The following SHB variants were observed in gnomAD, a reference collection of about 807,000 sequenced individuals.
SHB encodes the protein SH2 domain-containing adapter protein B.
Under a neutral mutation model 52.3 loss-of-function variants are expected in SHB, and 20 were observed. The ratio of observed to expected loss-of-function variants is 0.38; its 90% CI spans 0.27 to 0.56. The LOEUF (loss-of-function observed/expected upper bound fraction) is 0.56, where lower values mean the gene tolerates loss of function less well. Among genes scored for constraint, SHB ranks in the 20% least tolerant of loss-of-function variants. The pLI is 0.71. For synonymous variants in SHB, 397 were observed against 316.5 expected, an observed-to-expected ratio of 1.25 and a Z score of -2.70; for missense variants, 825 against 723.3, an observed-to-expected ratio of 1.14 and a Z score of -1.61.
At chr9:37,923,970 C>T (rs372371720) in intron 5 of SHB, among the ~76,000 whole-genome samples, 19 of 152,236 alleles carry the variant, frequency 1.2e-4, no homozygotes, top group South Asian at 1.2e-3. Context: ...TTCCACACCT[C>T]GGCACCGTCA....
At chr9:37,920,107 G>A in intron 5 of SHB, 103 bp from the exon 6 acceptor site, 1 of 913,252 alleles carries the variant, frequency 1.1e-6, no homozygotes, top group Non-Finnish European at 1.7e-6. Flanking sequence ...CAGCCATGAA[G>A]TGGCTGTGAG....
chr9:37,955,861 G>T (rs1272096965), intron 4 of SHB, 22 bp downstream of exon 4: 1 of 1,606,612 alleles, frequency 6.2e-7, no homozygotes, highest in Non-Finnish European at 8.5e-7. Flanking sequence ...GGTGAGGTTG[G>T]GCTTTGCTCC....
chr9:38,054,561 T>C (rs1821787690), intron 1 of SHB, among the ~76,000 whole-genome samples: 2 of 152,106 alleles, frequency 1.3e-5, no homozygotes, highest in Non-Finnish European at 2.9e-5. Context: ...ACCTCCACAG[T>C]TGTGACATCA....
At chr9:37,961,603 C>A (rs1832692724) in intron 3 of SHB, among the ~76,000 whole-genome samples, 1 of 152,368 alleles carries the variant, frequency 6.6e-6, no homozygotes, top group African/African-American at 2.4e-5. Context: ...CAAAGGACAG[C>A]CAGTCCCCAG....
intron 5 of SHB, among the ~76,000 whole-genome samples, chr9:37,922,942 G>C (rs912750462): frequency 6.6e-6 from 1 of 152,170 alleles, no homozygotes; most frequent in Non-Finnish European, 1.5e-5. Flanking sequence ...CTGCAGGAAG[G>C]GGTCTGCAAG....
chr9:38,037,793 G>A (rs936088468), intron 1 of SHB, among the ~76,000 whole-genome samples: 8 of 152,162 alleles, frequency 5.3e-5, no homozygotes, highest in African/African-American at 1.9e-4. Flanking sequence ...ATCCTGTGCT[G>A]GGCTCTGGAA....
intron 1 of SHB, among the ~76,000 whole-genome samples, chr9:38,060,529 T>A (rs1052642438): frequency 2.6e-5 from 4 of 152,138 alleles, no homozygotes; most frequent in Non-Finnish European, 5.9e-5. Flanking sequence ...GGTTTCCTCA[T>A]ATGTAAAAAT....
intron 2 of SHB, chr9:38,015,261 C>T: frequency 3.4e-6 from 2 of 593,238 alleles, no homozygotes; most frequent in South Asian, 4.1e-5. Context: ...TGCTTGTGAC[C>T]TCCCCCTAAT....
intron 1 of SHB, among the ~76,000 whole-genome samples, chr9:38,053,280 G>A (rs1395692707): frequency 6.6e-6 from 1 of 151,466 alleles, no homozygotes; most frequent in Admixed American, 6.6e-5. Context: ...CTCTGTTACC[G>A]AGGCTGGAGT....
intron 2 of SHB, among the ~76,000 whole-genome samples, chr9:38,007,704 G>A (rs1490677642): frequency 1.3e-5 from 2 of 152,214 alleles, no homozygotes; most frequent in Non-Finnish European, 2.9e-5. Context: ...GGTTCTAACA[G>A]GGAACAAAAC....
chr9:37,971,625 G>T (rs1439500730), intron 3 of SHB, among the ~76,000 whole-genome samples: 2 of 152,224 alleles, frequency 1.3e-5, no homozygotes, highest in African/African-American at 4.8e-5. Context: ...GACCTACAGA[G>T]GCCAGTGACC....
intron 2 of SHB, among the ~76,000 whole-genome samples, chr9:38,010,848 G>C (rs1172558483): frequency 6.6e-6 from 1 of 152,244 alleles, no homozygotes; most frequent in Non-Finnish European, 1.5e-5. Flanking sequence ...ACCTGCTCCA[G>C]CACTGGCAAG....
intron 5 of SHB, among the ~76,000 whole-genome samples, chr9:37,947,797 G>A (rs1170306386): frequency 6.6e-6 from 1 of 152,254 alleles, no homozygotes; most frequent in Non-Finnish European, 1.5e-5. Context: ...AAGTGGGACA[G>A]AGAGGATGCC....
At chr9:37,972,168 A>G (rs7036483) in intron 3 of SHB, among the ~76,000 whole-genome samples, 87,028 of 152,014 alleles carry the variant, frequency 0.57, 25,323 homozygotes, top group East Asian at 0.77. Context: ...GTGGTGCTGC[A>G]TTATAATGTG....
intron 1 of SHB, among the ~76,000 whole-genome samples, chr9:38,062,292 C>T (rs1439125440): frequency 6.6e-6 from 1 of 152,170 alleles, no homozygotes; most frequent in Admixed American, 6.5e-5. Flanking sequence ...CTCTCTAAGC[C>T]TCAGTTTCTT....
At chr9:38,030,299 G>A (rs1255394310) in intron 1 of SHB, among the ~76,000 whole-genome samples, 4 of 152,178 alleles carry the variant, frequency 2.6e-5, no homozygotes, top group East Asian at 3.9e-4. Context: ...CCCCCAGAGC[G>A]CACACTCTGT....
rs545803098 is a variant in SHB, at chr9:38,046,588, C to T, written c.717+21341G>A. On this transcript the variant is annotated intron_variant, in intron 1 of 5. Coordinates refer to ENST00000377707, the MANE Select transcript of SHB (RefSeq NM_003028.3). The stretch of plus-strand genomic sequence containing the variant: ...GGATTTAATTTCTAGAAACTGCCCA[C>T]GGCTTTTCCAAACCAATTTAGGTGA... 2.2e-4 allele frequency among the ~76,000 whole-genome samples: 33 copies of T among 152,330 alleles called. 1 individual carries two copies. The highest frequency in any genetic ancestry group is 7.0e-4 in the African/African-American group (29 of 41,572).
At chr9:37,943,393 G>A (rs956659517) in intron 5 of SHB, among the ~76,000 whole-genome samples, 3 of 152,314 alleles carry the variant, frequency 2.0e-5, no homozygotes, top group Non-Finnish European at 4.4e-5. Context: ...AGCTCATTCA[G>A]TAACTGACAC....
At chr9:37,932,963 A>G (rs1218878000) in intron 5 of SHB, among the ~76,000 whole-genome samples, 1 of 152,240 alleles carries the variant, frequency 6.6e-6, no homozygotes, top group Non-Finnish European at 1.5e-5. Flanking sequence ...ATCATGGTGT[A>G]TATCTTCATT....
Sources: gnomAD v4.1 joint callset for allele counts (sites outside exome capture counted in the v4.1 genomes callset) on GRCh38, gnomAD v4.1.1 for gene constraint, MANE v1.5 for transcripts, NCBI Gene and HGNC (gene_info 2026-07-23, HGNC 2026-07-21) for gene names.